The following HEATR5A variants were observed in gnomAD, a reference collection of about 807,000 sequenced individuals.
HEATR5A encodes HEAT repeat containing 5A.
Under a neutral mutation model 218.8 loss-of-function variants are expected in HEATR5A, and 178 were observed. The ratio of observed to expected loss-of-function variants is 0.81; its 90% confidence interval spans 0.72 to 0.92. The LOEUF is 0.92. Among genes scored for constraint, HEATR5A ranks in the 40% least tolerant of loss-of-function variants. The pLI is 0.00. For synonymous variants in HEATR5A, 864 were observed against 871.6 expected, an observed-to-expected ratio of 0.99 and a Z score of 0.15; for missense variants, 2,420 against 2,418.9, an observed-to-expected ratio of 1.00 and a Z score of -0.01.
chr14:31,380,509 T>C lies in HEATR5A; in HGVS notation c.1666A>G (p.Thr556Ala), dbSNP rs751691073. The C allele has an allele frequency of 1.9e-6, 3 of 1,609,274 alleles. No individual in the cohort carries two copies. The highest frequency in any genetic ancestry group is 2.5e-6 in the Non-Finnish European group (3 of 1,177,756). ...AQNSRLSAQRTQAGWLLISAL... is the reference protein window; with the variant it reads ...AQNSRLSAQRAQAGWLLISAL... The stretch of plus-strand genomic sequence containing the variant: ...GAAATCAGCAACCATCCAGCTTGTG[T>C]GCGCTGAGCTGAAAGGCGACTGTTT... The change falls in exon 11 of 36, where the codon ACA becomes GCA. Residue 556 changes from threonine to alanine, a missense_variant. Physicochemically the swap from Thr to Ala is moderately conservative, Grantham distance 58. Transcript: ENST00000543095.
rs1381213942 is a variant in HEATR5A at position 31,307,913 on chromosome 14, A to G, written c.4798T>C (p.Ser1600Pro). 3.1e-6 allele frequency: 5 copies of G among 1,612,018 alleles called. No homozygotes were observed. In the Admixed American group the frequency reaches 8.4e-5, roughly 27 times the overall value. Residue 1600 changes from serine to proline, a missense_variant, in exon 30 of 36, where the codon TCA becomes CCA. Ser to Pro is a moderately conservative substitution (Grantham distance 74). Coordinates refer to ENST00000543095, the MANE Select transcript of HEATR5A (RefSeq NM_015473.4). ...ATCACCTGATCACTGCCAATTTTTG[A>G]TCTGGGCCAAGGTACATCTAGAAGT... ...QALLDVPWPR[S>P]KIGSDQDLGI...
At chr14:31,330,505 G>A (rs1900427197) in intron 22 of HEATR5A, among the ~76,000 whole-genome samples, 1 of 151,876 alleles carries the variant, frequency 6.6e-6, no homozygotes, top group Non-Finnish European at 1.5e-5. Context: ...ATTAACATTC[G>A]AGGCCAGCGC....
intron 2 of HEATR5A, among the ~76,000 whole-genome samples, chr14:31,401,087 C>A (rs1187119028): frequency 6.6e-6 from 1 of 152,112 alleles, no homozygotes; most frequent in Non-Finnish European, 1.5e-5. Flanking sequence ...GATCCACCCA[C>A]CTCGGCCTCC....
intron 22 of HEATR5A, among the ~76,000 whole-genome samples, chr14:31,327,998 G>T (rs2139176828): frequency 6.6e-6 from 1 of 152,296 alleles, no homozygotes; most frequent in Non-Finnish European, 1.5e-5. Flanking sequence ...CTGTCGCCCA[G>T]GTTGGAGTAC....
chr14:31,295,988 G>C lies in HEATR5A; in HGVS notation c.5540C>G (p.Pro1847Arg). 3 of 1,613,104 alleles carry C rather than the reference G, an allele frequency of 1.9e-6. No individual in the cohort carries two copies. The highest frequency in any genetic ancestry group is 1.3e-5 in the African/African-American group (1 of 74,984). ...AAGGCATGGGATGGTAGTTACTTCT[G>C]GACTGGTAGACAAAATAAACACTGT... Reference protein sequence around the residue: ...AITVFILSTSPEVTTIPCLQK... With the variant: ...AITVFILSTSREVTTIPCLQK... The change falls in exon 34 of 36, where the codon CCA becomes CGA. Residue 1847 changes from proline (P) to arginine (R), a missense_variant. Transcript: ENST00000543095.
At chr14:31,324,621 A>G (rs929861983) in intron 23 of HEATR5A, among the ~76,000 whole-genome samples, 4 of 152,170 alleles carry the variant, frequency 2.6e-5, no homozygotes, top group Non-Finnish European at 4.4e-5. Flanking sequence ...ATGAATGCAA[A>G]ATTTAAAAAA....
chr14:31,400,263 A>G lies in HEATR5A; in HGVS notation c.338+38T>C, dbSNP rs1347617478. 6 of 1,322,428 alleles carry G rather than the reference A, an allele frequency of 4.5e-6. No individual in the cohort carries two copies. In the South Asian group the frequency reaches 6.4e-5, roughly 14 times the overall value. The allele number at this position is 1,322,428 out of a possible 1,614,324, so 81.9% of individuals were successfully genotyped here. A position where few individuals can be genotyped will look rare whatever the true frequency, so the allele number is the denominator to read the frequency against. Reference sequence around the variant, plus strand: ...CTTCATAAAAATACAACAGGAAGCAATATTTTGTTTTCTGTTCTGTTTTAA... The same window carrying G: ...CTTCATAAAAATACAACAGGAAGCAGTATTTTGTTTTCTGTTCTGTTTTAA... On this transcript the variant is annotated intron_variant, in intron 3 of 35. Coordinates refer to ENST00000543095, the MANE Select transcript of HEATR5A (RefSeq NM_015473.4).
chr14:31,306,992 T>A, intron 30 of HEATR5A, 113 bp from the exon 31 acceptor site: 1 of 861,086 alleles, frequency 1.2e-6, no homozygotes, highest in Non-Finnish European at 1.7e-6. Flanking sequence ...TGTAACAAAT[T>A]GCTTTAGTGC....
chr14:31,308,988 C>T lies in HEATR5A; in HGVS notation c.4636G>A (p.Ala1546Thr). 1 of 1,613,650 alleles carries T rather than the reference C, an allele frequency of 6.2e-7. No homozygotes were observed. Among genetic ancestry groups the T allele is most frequent in the Non-Finnish European group, 8.5e-7 (1 of 1,179,690 alleles). Residue 1546 changes from alanine (A) to threonine (T), a missense_variant, in exon 29 of 36, where the codon GCT (alanine) becomes ACT (threonine). Ala to Thr is a moderately conservative substitution (Grantham distance 58, BLOSUM62 0). Transcript: ENST00000543095. ...TSMCQGSSSGATIKSPEDVYT... is the reference protein window; with the variant it reads ...TSMCQGSSSGTTIKSPEDVYT... ...ACATCCTCAGGGGACTTTATGGTAGCCCCAGATGATGAACCCTGACACATG... is the reference window on the plus strand; with the variant it reads ...ACATCCTCAGGGGACTTTATGGTAGTCCCAGATGATGAACCCTGACACATG...
intron 13 of HEATR5A, among the ~76,000 whole-genome samples, chr14:31,371,182 A>G (rs1400430197): frequency 6.6e-6 from 1 of 152,242 alleles, no homozygotes; most frequent in Non-Finnish European, 1.5e-5. Flanking sequence ...CATAGACTTC[A>G]TAGTCTGTAT....
intron 34 of HEATR5A, among the ~76,000 whole-genome samples, 173 bp downstream of exon 34, chr14:31,295,736 A>G (rs974047058): frequency 6.6e-6 from 1 of 151,950 alleles, no homozygotes; most frequent in African/African-American, 2.4e-5. Flanking sequence ...CTGAAGAACA[A>G]GACTACTGTT....
rs2030340323 is a variant in HEATR5A at position 31,388,930 on chromosome 14, C to G, written c.848G>C (p.Gly283Ala). 6.2e-7 allele frequency: 1 copy of G among 1,613,588 alleles called. No homozygotes were observed. Among genetic ancestry groups the G allele is most frequent in the African/African-American group, 1.3e-5 (1 of 74,908 alleles). The change falls in exon 7 of 36, where the codon GGG becomes GCG. Residue 283 changes from glycine (G) to alanine (A), a missense_variant. Transcript: ENST00000543095. The part of the protein sequence containing the change: ...LELLGTGFLR[G>A]SSGFLRASGD... ...ACTGGCTCGAAGGAATCCTGAACTCCCACGTAGAAACCCTGTTCCTAGTAA... is the reference window on the plus strand; with the variant it reads ...ACTGGCTCGAAGGAATCCTGAACTCGCACGTAGAAACCCTGTTCCTAGTAA...
chr14:31,397,455 C>T (rs1012514171), intron 4 of HEATR5A, among the ~76,000 whole-genome samples: 4 of 151,678 alleles, frequency 2.6e-5, no homozygotes, highest in African/African-American at 9.7e-5. Flanking sequence ...GTCAGGAGTT[C>T]AAGAATGGCC....
chr14:31,344,887 C>T (rs1770638143), intron 20 of HEATR5A, among the ~76,000 whole-genome samples, 200 bp downstream of exon 20: 2 of 152,166 alleles, frequency 1.3e-5, no homozygotes, highest in South Asian at 2.1e-4. Flanking sequence ...TTAAGGAAGG[C>T]ATCTTTAGGA....
intron 22 of HEATR5A, among the ~76,000 whole-genome samples, chr14:31,332,523 G>T (rs1474334770): frequency 6.6e-6 from 1 of 152,164 alleles, no homozygotes; most frequent in Admixed American, 6.5e-5. Flanking sequence ...AGTGAGAAAG[G>T]CATGTCAAAA....
intron 27 of HEATR5A, 49 bp downstream of exon 27, chr14:31,315,721 G>T: frequency 7.1e-7 from 1 of 1,407,772 alleles, no homozygotes; most frequent in Non-Finnish European, 9.7e-7. Context: ...GGCCTAAGGT[G>T]TTTATTAACA....
At chr14:31,349,729 A>G (rs1302855017) in intron 18 of HEATR5A, 60 bp downstream of exon 18, 1 of 1,139,854 alleles carries the variant, frequency 8.8e-7, no homozygotes, top group Non-Finnish European at 1.3e-6. Context: ...CCAACAAGCC[A>G]GAAAGCTATA....
chr14:31,317,036 T>C (rs1899933261), intron 26 of HEATR5A, among the ~76,000 whole-genome samples: 1 of 152,140 alleles, frequency 6.6e-6, no homozygotes, highest in African/African-American at 2.4e-5. Context: ...TTCTGTGTAT[T>C]TGTTTAGTTC....
chr14:31,368,702 TTTA>T lies in HEATR5A; in HGVS notation c.1961+3105_1961+3107del, dbSNP rs1566770945. ...GCATCAGTACATCTGACTCTATTTA[TTTA>T]TTTATTTATTTATTTATTTATTTAT... On this transcript the variant is annotated intron_variant, in intron 13 of 35. Transcript: ENST00000543095. 2.5e-3 allele frequency among the ~76,000 whole-genome samples: 153 copies of T among 61,924 alleles called. 4 individuals carry two copies. The highest frequency in any genetic ancestry group is 4.6e-4 in the Non-Finnish European group (16 of 35,050). 40.6% of individuals were successfully genotyped at this position (61,924 alleles called of 152,430 possible). A position where few individuals can be genotyped will look rare whatever the true frequency, so the allele number is the denominator to read the frequency against.
Sources: gnomAD v4.1 joint callset for allele counts (sites outside exome capture counted in the v4.1 genomes callset) on GRCh38, gnomAD v4.1.1 for gene constraint, MANE v1.5 for transcripts, NCBI Gene and HGNC (gene_info 2026-07-23, HGNC 2026-07-21) for gene names.